PDE6H: variants seen among roughly 807,000 people sequenced by gnomAD.
PDE6H encodes retinal cone rhodopsin-sensitive cGMP 3',5'-cyclic phosphodiesterase subunit gamma.
Under a neutral mutation model 9.2 loss-of-function variants are expected in PDE6H, and 11 were observed. The observed-to-expected ratio is 1.19, with a 90% CI of 0.75 to 1.97. The LOEUF (loss-of-function observed/expected upper bound fraction) is 1.97, where lower values mean the gene tolerates loss of function less well. PDE6H is among the 30% of genes most tolerant of loss of function. PDE6H has a pLI of 0.00. For missense variants in PDE6H, 98 were observed against 101.5 expected (o/e 0.97, Z 0.15); for synonymous variants, 36 against 33.6 (o/e 1.07, Z -0.25).
At chr12:14,974,917 T>C (rs186090948) in intron 1 of PDE6H, among the ~76,000 whole-genome samples, 1 of 152,278 alleles carries the variant, frequency 6.6e-6, no homozygotes, top group Non-Finnish European at 1.5e-5. Flanking sequence ...ATATTTGCCC[T>C]TTTTGAACAC....
At chr12:14,976,445 T>C (rs1211375201) in intron 1 of PDE6H, among the ~76,000 whole-genome samples, 1 of 152,188 alleles carries the variant, frequency 6.6e-6, no homozygotes, top group Non-Finnish European at 1.5e-5. Flanking sequence ...TTATAGAATA[T>C]GAGGTTTCAG....
Position 14,978,033 on chromosome 12 carries a change from G to A in PDE6H, c.21G>A (p.Leu7=). The change falls in exon 2 of 4, where the codon CTG becomes CTA. Residue 7 remains leucine (L), a synonymous_variant. Transcript: ENST00000266395. MSDNTT[L]PAPASNQGPT... ...TTAAAATGAGTGACAACACTACTCTGCCTGCTCCAGCTTCAAACCAGGGTC... is the reference window on the plus strand; with the variant it reads ...TTAAAATGAGTGACAACACTACTCTACCTGCTCCAGCTTCAAACCAGGGTC... 1.2e-6 allele frequency: 2 copies of A among 1,613,438 alleles called. No homozygotes were observed. Among genetic ancestry groups the A allele is most frequent in the Non-Finnish European group, 1.7e-6 (2 of 1,179,950 alleles).
chr12:14,974,280 T>A (rs1864560848), intron 1 of PDE6H, among the ~76,000 whole-genome samples: 1 of 152,194 alleles, frequency 6.6e-6, no homozygotes, highest in African/African-American at 2.4e-5. Context: ...TTTGGTGATG[T>A]TTATGGACAA....
At chr12:14,980,875 A>T (rs1864671940) in intron 3 of PDE6H, among the ~76,000 whole-genome samples, 2 of 152,242 alleles carry the variant, frequency 1.3e-5, no homozygotes, top group African/African-American at 4.8e-5. Context: ...TATTGTCTAA[A>T]ACAAGAAGCT....
chr12:14,976,966 T>C (rs1275980753), intron 1 of PDE6H, among the ~76,000 whole-genome samples: 1 of 152,258 alleles, frequency 6.6e-6, no homozygotes, highest in African/African-American at 2.4e-5. Context: ...ATAATTTTCT[T>C]TGATTTGTAT....
intron 3 of PDE6H, 152 bp from the exon 4 acceptor site, chr12:14,981,248 C>T (rs1182174040): frequency 9.4e-6 from 7 of 744,644 alleles, no homozygotes; most frequent in African/African-American, 1.7e-5. Flanking sequence ...TCTGATCCTT[C>T]CTGGGCCACA....
At chr12:14,976,319 G>C (rs1375712261) in intron 1 of PDE6H, among the ~76,000 whole-genome samples, 2 of 152,180 alleles carry the variant, frequency 1.3e-5, no homozygotes, top group African/African-American at 4.8e-5. Flanking sequence ...CCCTGGTACT[G>C]GCAAGGGTAA....
intron 3 of PDE6H, among the ~76,000 whole-genome samples, chr12:14,980,282 G>T (rs560875629): frequency 6.6e-6 from 1 of 152,054 alleles, no homozygotes; most frequent in African/African-American, 2.4e-5. Flanking sequence ...TTCATTTAAG[G>T]TTTCTCCATG....
intron 1 of PDE6H, among the ~76,000 whole-genome samples, chr12:14,976,736 A>C (rs537678231): frequency 3.0e-4 from 45 of 152,268 alleles, no homozygotes; most frequent in African/African-American, 1.1e-3. Context: ...TAAATCTGCA[A>C]TGGGTGAAAT....
chr12:14,980,798 T>C (rs958674508), intron 3 of PDE6H, among the ~76,000 whole-genome samples: 1 of 152,224 alleles, frequency 6.6e-6, no homozygotes, highest in Non-Finnish European at 1.5e-5. Context: ...ACTATGTGGT[T>C]TTTGCTAATT....
intron 1 of PDE6H, among the ~76,000 whole-genome samples, chr12:14,974,021 A>G (rs895470092): frequency 9.2e-5 from 14 of 152,218 alleles, no homozygotes; most frequent in Admixed American, 7.9e-4. Context: ...ATGCCTTGAA[A>G]TATTACTTTG....
At position 14,981,490 on chromosome 12, in the gene PDE6H, C is replaced by A; in HGVS notation, c.*14C>A. 6.3e-7 allele frequency: 1 copy of A among 1,595,616 alleles called. No individual in the cohort carries two copies. The highest frequency in any genetic ancestry group is 8.6e-7 in the Non-Finnish European group (1 of 1,163,126). Reference sequence around the variant, plus strand: ...GGGATTATCTGAAGTGCCAGAGGTTCTGCCACTCTCAATGACATCTGCTGT... The same window carrying A: ...GGGATTATCTGAAGTGCCAGAGGTTATGCCACTCTCAATGACATCTGCTGT... On this transcript the variant is annotated 3_prime_UTR_variant, in exon 4 of 4. Transcript: ENST00000266395.
chr12:14,976,306 C>A (rs909209679), intron 1 of PDE6H, among the ~76,000 whole-genome samples: 2 of 152,140 alleles, frequency 1.3e-5, no homozygotes, highest in African/African-American at 4.8e-5. Flanking sequence ...CCAATCTCAC[C>A]ATCCCTGGTA....
intron 3 of PDE6H, among the ~76,000 whole-genome samples, chr12:14,980,041 T>C (rs936203472): frequency 6.6e-6 from 1 of 152,216 alleles, no homozygotes; most frequent in Non-Finnish European, 1.5e-5. Flanking sequence ...CTAAGGGTTT[T>C]GATAAATACC....
At chr12:14,973,258 C>T (rs992705262) in intron 1 of PDE6H, among the ~76,000 whole-genome samples, 172 bp downstream of exon 1, 1 of 152,134 alleles carries the variant, frequency 6.6e-6, no homozygotes, top group African/African-American at 2.4e-5. Context: ...TGCAGACCTT[C>T]TTGTTATGCC....
chr12:14,979,575 G>T (rs1424040674), intron 3 of PDE6H, among the ~76,000 whole-genome samples: 5 of 152,084 alleles, frequency 3.3e-5, no homozygotes, highest in Non-Finnish European at 4.4e-5. Context: ...ACAGGAATTG[G>T]CAGTCTTTTG....
chr12:14,975,404 C>A (rs1054427728), intron 1 of PDE6H, among the ~76,000 whole-genome samples: 1 of 151,680 alleles, frequency 6.6e-6, no homozygotes, highest in African/African-American at 2.4e-5. Flanking sequence ...CAATTCTAAC[C>A]CTAATAGATT....
At chr12:14,979,778 G>A (rs2120831139) in intron 3 of PDE6H, among the ~76,000 whole-genome samples, 1 of 152,290 alleles carries the variant, frequency 6.6e-6, no homozygotes, top group Non-Finnish European at 1.5e-5. Flanking sequence ...ATCATACAAT[G>A]AATGCAATCA....
At position 14,980,733 on chromosome 12, in the gene PDE6H, T is replaced by C. The variant is rs577186157; in HGVS notation, c.176-667T>C. ...GTGTATTTGGAATAATGTAAAGAGG[T>C]TTATAGGGAGTGAAGGTCTGAGGTC... On this transcript the variant is annotated intron_variant, in intron 3 of 3. Transcript: ENST00000266395. Among the ~76,000 whole-genome samples the C allele has an allele frequency of 5.9e-5, 9 of 152,238 alleles. No homozygotes were observed. In the East Asian group the frequency reaches 1.7e-3, roughly 29 times the overall value.
Sources: allele counts gnomAD v4.1 joint callset (sites outside exome capture counted in the v4.1 genomes callset), GRCh38; gene constraint gnomAD v4.1.1; transcripts MANE v1.5; gene names NCBI Gene and HGNC (gene_info 2026-07-23, HGNC 2026-07-21).